The following NEDD1 variants were observed in gnomAD, a reference collection of about 807,000 sequenced individuals.
The protein encoded by NEDD1 is protein NEDD1.
Under a neutral mutation model 74.0 loss-of-function variants are expected in NEDD1, and 33 were observed. The ratio of observed to expected loss-of-function variants is 0.45; its 90% CI spans 0.34 to 0.60. NEDD1 has a LOEUF of 0.60. NEDD1 is among the 20% of genes least tolerant of loss of function. NEDD1 has a pLI of 0.01. For synonymous variants in NEDD1, 250 were observed against 264.4 expected, an observed-to-expected ratio of 0.95 and a Z score of 0.53; for missense variants, 746 against 776.5, an observed-to-expected ratio of 0.96 and a Z score of 0.47.
intron 3 of NEDD1, among the ~76,000 whole-genome samples, chr12:96,910,115 C>T (rs1330519845): frequency 3.3e-5 from 5 of 152,172 alleles, no homozygotes; most frequent in South Asian, 2.1e-4. Flanking sequence ...AATTTAGTTA[C>T]AACCCACTTC....
At chr12:96,930,199 ACACACACACACACTCTCTCTCT>A (rs1289952202) in intron 6 of NEDD1, among the ~76,000 whole-genome samples, 143 of 63,524 alleles carry the variant, frequency 2.3e-3, no homozygotes, top group African/African-American at 8.1e-3. Flanking sequence ...ACACACACAC[ACACACACACACACTCTCTCTCT>A]CTCTCTCTCT....
intron 2 of NEDD1, among the ~76,000 whole-genome samples, chr12:96,908,922 G>C (rs1489654084): frequency 6.6e-6 from 1 of 152,124 alleles, no homozygotes; most frequent in Admixed American, 6.5e-5. Flanking sequence ...CACGCCTGTG[G>C]TCCCAACACT....
Position 96,948,941 on chromosome 12 carries a change from G to A in NEDD1, c.1812-2491G>A, listed in dbSNP as rs577724746. Among the ~76,000 whole-genome samples the A allele has an allele frequency of 5.9e-5, 9 of 152,310 alleles. No homozygotes were observed. The East Asian group carries it at 1.5e-3, about 26-fold the overall frequency. ...TTTCCTGCCATCTAACCCAGGGGGA[G>A]CATTGCTTAGAAGTCAACAGATGTC... On this transcript the variant is annotated intron_variant, in intron 14 of 15. Transcript: ENST00000266742.
chr12:96,944,592 A>T, intron 12 of NEDD1, 47 bp from the exon 13 acceptor site: 1 of 1,211,586 alleles, frequency 8.3e-7, no homozygotes, highest in South Asian at 1.5e-5. Flanking sequence ...GGGTAATATG[A>T]GTAAAAAAAT....
chr12:96,940,665 G>T, intron 10 of NEDD1, 128 bp downstream of exon 10: 1 of 533,782 alleles, frequency 1.9e-6, no homozygotes. Context: ...TCCATCCCTG[G>T]GGTGGTATCT....
intron 11 of NEDD1, among the ~76,000 whole-genome samples, chr12:96,943,095 A>C (rs943198221): frequency 2.6e-5 from 4 of 152,030 alleles, no homozygotes; most frequent in Non-Finnish European, 5.9e-5. Flanking sequence ...TTTTGTTAGA[A>C]GCAAGTTACT....
At chr12:96,942,115 T>C (rs1258423778) in intron 10 of NEDD1, among the ~76,000 whole-genome samples, 1 of 152,184 alleles carries the variant, frequency 6.6e-6, no homozygotes. Flanking sequence ...AATAAAACTT[T>C]GTTCTGCTTT....
At chr12:96,950,011 A>G (rs181593308) in intron 14 of NEDD1, among the ~76,000 whole-genome samples, 1 of 152,196 alleles carries the variant, frequency 6.6e-6, no homozygotes, top group Non-Finnish European at 1.5e-5. Context: ...TGAGCACATT[A>G]ATAAGAACTA....
chr12:96,946,826 C>A (rs565773069), intron 14 of NEDD1, among the ~76,000 whole-genome samples: 235 of 152,262 alleles, frequency 1.5e-3, no homozygotes, highest in African/African-American at 5.5e-3. Flanking sequence ...ATAAAGTACA[C>A]CTGAACACAG....
At chr12:96,928,849 G>A (rs543910775) in intron 6 of NEDD1, among the ~76,000 whole-genome samples, 3 of 151,746 alleles carry the variant, frequency 2.0e-5, no homozygotes, top group Non-Finnish European at 4.4e-5. Context: ...ACCACGCCTG[G>A]CTAATTTTTT....
At chr12:96,917,869 G>T in intron 5 of NEDD1, 132 bp downstream of exon 5, 1 of 1,110,170 alleles carries the variant, frequency 9.0e-7, no homozygotes, top group Non-Finnish European at 1.2e-6. Flanking sequence ...ATTTGTTAGG[G>T]AAAATAAAGG....
rs1873408935 is a variant in NEDD1, at chr12:96,907,309, C to T, written c.-262+9C>T. ...TGTGTTGCTGCGGAGAGGTGAGGTT[C>T]CGGAGGCCCTGAGGTCAGCGGGCCC... On this transcript the variant is annotated intron_variant, in intron 1 of 15. Transcript: ENST00000266742. 1 of 332,022 alleles carries T rather than the reference C, an allele frequency of 3.0e-6. No individual in the cohort carries two copies. The highest frequency in any genetic ancestry group is 5.1e-5 in the Admixed American group (1 of 19,748). The allele number at this position is 332,022 out of a possible 1,614,324, so 20.6% of individuals were successfully genotyped here.
At position 96,913,643 on chromosome 12, in the gene NEDD1, A is replaced by T. The variant is rs377226839; in HGVS notation, c.231+826A>T. ...CGCCTCAGCCTCCCAAAGTGCTGGG[A>T]TTACAGGCATGAGCCACCACACCCA... is the stretch of plus-strand genomic sequence containing the variant. On this transcript the variant is annotated intron_variant, in intron 4 of 15. Coordinates refer to ENST00000266742, the MANE Select transcript of NEDD1 (RefSeq NM_152905.4). 2.9e-3 allele frequency among the ~76,000 whole-genome samples: 436 copies of T among 152,282 alleles called. 3 individuals carry two copies. The highest frequency in any genetic ancestry group is 0.01 in the African/African-American group (427 of 41,572).
intron 7 of NEDD1, 123 bp downstream of exon 7, chr12:96,935,328 A>G: frequency 3.2e-6 from 2 of 632,716 alleles, no homozygotes; most frequent in South Asian, 1.9e-5. Context: ...TGTACAGTTG[A>G]TGGATCTAGT....
In NEDD1 at chr12:96,953,436, A is replaced by G. The variant is rs2136640242; in HGVS notation, c.*1383A>G. The G allele has an allele frequency of 6.6e-6, 1 of 151,976 alleles. No individual in the cohort carries two copies. Among genetic ancestry groups the G allele is most frequent in the Non-Finnish European group, 1.5e-5 (1 of 67,776 alleles). 9.4% of individuals were successfully genotyped at this position (151,976 alleles called of 1,614,324 possible). On this transcript the variant is annotated 3_prime_UTR_variant, in exon 16 of 16. Coordinates refer to ENST00000266742, the MANE Select transcript of NEDD1 (RefSeq NM_152905.4). ...TTTCCTGACAGATTATGAAAGCATT[A>G]TGACTTGTAACAAGTTTCCTTGTAT...
chr12:96,952,071 T>C lies in NEDD1; in HGVS notation c.*18T>C. 7.7e-7 allele frequency: 1 copy of C among 1,292,474 alleles called. No individual in the cohort carries two copies. Among genetic ancestry groups the C allele is most frequent in the Non-Finnish European group, 1.1e-6 (1 of 891,598 alleles). The allele number at this position is 1,292,474 out of a possible 1,614,324, so 80.1% of individuals were successfully genotyped here. On this transcript the variant is annotated 3_prime_UTR_variant, in exon 16 of 16. Coordinates refer to ENST00000266742, the MANE Select transcript of NEDD1 (RefSeq NM_152905.4). Reference sequence around the variant, plus strand: ...ACTTTTGAAATTTCAGTGAATACCTTAATGTTCTGTAATTTGGGAAGTTTC... The same window carrying C: ...ACTTTTGAAATTTCAGTGAATACCTCAATGTTCTGTAATTTGGGAAGTTTC...
Position 96,916,389 on chromosome 12 carries a change from A to G in NEDD1, c.232-1232A>G, listed in dbSNP as rs1356863808. ...CATCTAGCATTAGGTATATCTCCCA[A>G]TGCTATCCCTCCCCCCTCCCCCCTC... On this transcript the variant is annotated intron_variant, in intron 4 of 15. Coordinates refer to ENST00000266742, the MANE Select transcript of NEDD1 (RefSeq NM_152905.4). Among the ~76,000 whole-genome samples the G allele has an allele frequency of 3.9e-3, 496 of 125,726 alleles. 9 individuals carry two copies. Among genetic ancestry groups the G allele is most frequent in the African/African-American group, 0.013 (433 of 33,590 alleles). The allele number at this position is 125,726 out of a possible 152,430, so 82.5% of individuals were successfully genotyped here.
At chr12:96,908,646 G>A (rs1592847706) in intron 2 of NEDD1, among the ~76,000 whole-genome samples, 1 of 152,300 alleles carries the variant, frequency 6.6e-6, no homozygotes, top group South Asian at 2.1e-4. Flanking sequence ...TGAAGGCATC[G>A]TAGTCCAAGT....
intron 2 of NEDD1, among the ~76,000 whole-genome samples, chr12:96,908,210 C>T (rs1032329368): frequency 9.9e-5 from 15 of 152,172 alleles, no homozygotes; most frequent in Non-Finnish European, 2.2e-4. Flanking sequence ...TTTAGTAGCA[C>T]TGTATCGGAT....
Sources: allele counts gnomAD v4.1 joint callset (sites outside exome capture counted in the v4.1 genomes callset), GRCh38; gene constraint gnomAD v4.1.1; transcripts MANE v1.5; gene names NCBI Gene and HGNC (gene_info 2026-07-23, HGNC 2026-07-21).